GPR158: variants seen among roughly 807,000 people sequenced by gnomAD.
GPR158 encodes the protein metabotropic glycine receptor.
A neutral mutation model predicts 78.2 loss-of-function variants in GPR158; 30 were observed. That is an observed-to-expected ratio of 0.38 (90% CI 0.29 to 0.52). The LOEUF is 0.52. Ranked by LOEUF, GPR158 falls within the 20% of genes least tolerant of loss-of-function variation. The pLI is 0.83. For missense variants in GPR158, 1,463 were observed against 1,523.5 expected, an observed-to-expected ratio of 0.96 and a Z score of 0.66; for synonymous variants, 581 against 591.1, an observed-to-expected ratio of 0.98 and a Z score of 0.25.
At chr10:25,562,200 C>G (rs1225484821) in intron 6 of GPR158, among the ~76,000 whole-genome samples, 1 of 151,862 alleles carries the variant, frequency 6.6e-6, no homozygotes, top group African/African-American at 2.4e-5. Context: ...TTTTCTTGCT[C>G]AGTCTAACTA....
At chr10:25,544,191 G>C (rs1406698635) in intron 5 of GPR158, among the ~76,000 whole-genome samples, 2 of 152,152 alleles carry the variant, frequency 1.3e-5, no homozygotes, top group Non-Finnish European at 1.5e-5. Flanking sequence ...TTAATAAATA[G>C]AGTGGTATGC....
intron 1 of GPR158, among the ~76,000 whole-genome samples, chr10:25,191,888 G>T (rs1244709554): frequency 6.6e-6 from 1 of 152,078 alleles, no homozygotes; most frequent in Non-Finnish European, 1.5e-5. Flanking sequence ...TTTCTCAACT[G>T]TAACATAGGG....
chr10:25,254,888 A>C (rs1443760501), intron 2 of GPR158, among the ~76,000 whole-genome samples: 1 of 152,180 alleles, frequency 6.6e-6, no homozygotes, highest in Non-Finnish European at 1.5e-5. Flanking sequence ...CAAGAGAGTT[A>C]GTTGATTTGG....
At chr10:25,588,668 C>T (rs112325672) in intron 7 of GPR158, among the ~76,000 whole-genome samples, 368 of 152,218 alleles carry the variant, frequency 2.4e-3, no homozygotes, top group Non-Finnish European at 4.0e-3. Flanking sequence ...GAGTGTTCCA[C>T]GAGCATCCTA....
At chr10:25,268,543 C>T (rs1050008864) in intron 2 of GPR158, among the ~76,000 whole-genome samples, 13 of 152,080 alleles carry the variant, frequency 8.5e-5, no homozygotes, top group Non-Finnish European at 1.5e-5. Flanking sequence ...AACTCTGAAT[C>T]GGTATTCTCA....
chr10:25,406,695 T>C (rs1834520190), intron 3 of GPR158, among the ~76,000 whole-genome samples: 2 of 152,226 alleles, frequency 1.3e-5, no homozygotes, highest in Non-Finnish European at 2.9e-5. Context: ...AGTTATAATT[T>C]GTTTTCTTTT....
At chr10:25,218,263 TTA>T (rs796292856) in intron 1 of GPR158, among the ~76,000 whole-genome samples, 88 of 152,234 alleles carry the variant, frequency 5.8e-4, no homozygotes, top group African/African-American at 2.0e-3. Context: ...ACGTAGCTCA[TTA>T]TATTCCACGG....
chr10:25,218,072 G>C (rs902001167), intron 1 of GPR158, among the ~76,000 whole-genome samples: 4 of 152,030 alleles, frequency 2.6e-5, no homozygotes, highest in Non-Finnish European at 5.9e-5. Flanking sequence ...GGATCTTTGC[G>C]TCCCTTTCAG....
chr10:25,408,122 A>G (rs1366274483), intron 3 of GPR158, among the ~76,000 whole-genome samples: 1 of 152,238 alleles, frequency 6.6e-6, no homozygotes, highest in Non-Finnish European at 1.5e-5. Context: ...GTTTAGGTTA[A>G]ATGTTGCCAA....
At chr10:25,411,781 A>C (rs972230548) in intron 3 of GPR158, among the ~76,000 whole-genome samples, 1 of 151,726 alleles carries the variant, frequency 6.6e-6, no homozygotes, top group Non-Finnish European at 1.5e-5. Context: ...TAAAAATACA[A>C]AAAATTAGCC....
At chr10:25,177,570 C>T (rs1852556015) in intron 1 of GPR158, among the ~76,000 whole-genome samples, 1 of 152,146 alleles carries the variant, frequency 6.6e-6, no homozygotes, top group Admixed American at 6.5e-5. Flanking sequence ...TGGGAAAGGT[C>T]AGAAGGCTTG....
intron 5 of GPR158, among the ~76,000 whole-genome samples, chr10:25,494,102 T>C (rs1399579693): frequency 2.0e-5 from 3 of 152,186 alleles, no homozygotes; most frequent in African/African-American, 7.2e-5. Context: ...GGTTGACTTC[T>C]GCATTTCTCA....
chr10:25,259,041 C>T (rs1269617752), intron 2 of GPR158, among the ~76,000 whole-genome samples: 1 of 152,058 alleles, frequency 6.6e-6, no homozygotes, highest in Non-Finnish European at 1.5e-5. Flanking sequence ...GATCCATTAC[C>T]TTTATGACGA....
intron 7 of GPR158, among the ~76,000 whole-genome samples, chr10:25,579,598 C>A (rs997097852): frequency 1.3e-5 from 2 of 152,244 alleles, no homozygotes; most frequent in Admixed American, 6.5e-5. Flanking sequence ...AACAAGTGGG[C>A]AGATTCTTAC....
At chr10:25,398,532 A>T (rs1383174445) in intron 3 of GPR158, among the ~76,000 whole-genome samples, 2 of 152,192 alleles carry the variant, frequency 1.3e-5, no homozygotes, top group East Asian at 3.8e-4. Context: ...AAACATCTAA[A>T]TATTGTAGAA....
chr10:25,486,336 G>A (rs1030769595), intron 5 of GPR158, among the ~76,000 whole-genome samples: 4 of 151,210 alleles, frequency 2.6e-5, no homozygotes, highest in Admixed American at 6.6e-5. Context: ...GCAGTTAGGA[G>A]CATAGACTGT....
At chr10:25,224,943 A>G (rs1366194370) in intron 2 of GPR158, among the ~76,000 whole-genome samples, 1 of 152,150 alleles carries the variant, frequency 6.6e-6, no homozygotes, top group Non-Finnish European at 1.5e-5. Context: ...TTCCAAGTTT[A>G]AACTGTAGAG....
At chr10:25,524,126 CA>C (rs1396858739) in intron 5 of GPR158, among the ~76,000 whole-genome samples, 4 of 152,046 alleles carry the variant, frequency 2.6e-5, no homozygotes. Flanking sequence ...CAAGACTATA[CA>C]ATGAAAACTA....
intron 1 of GPR158, among the ~76,000 whole-genome samples, chr10:25,218,380 T>C (rs1197038232): frequency 6.6e-6 from 1 of 152,186 alleles, no homozygotes; most frequent in Non-Finnish European, 1.5e-5. Flanking sequence ...TTTCAGTCAG[T>C]TGAGCTGCCT....
Sources: gnomAD v4.1 joint callset for allele counts (sites outside exome capture counted in the v4.1 genomes callset) on GRCh38, gnomAD v4.1.1 for gene constraint, MANE v1.5 for transcripts, NCBI Gene and HGNC (gene_info 2026-07-23, HGNC 2026-07-21) for gene names.